The following CKS2 variants were observed in gnomAD, a reference collection of about 807,000 sequenced individuals.
CKS2 encodes CDC28 protein kinase regulatory subunit 2.
A neutral mutation model predicts 14.3 loss-of-function variants in CKS2; 4 were observed. That is an observed-to-expected ratio of 0.28 (90% CI 0.14 to 0.64). The LOEUF (loss-of-function observed/expected upper bound fraction) is 0.64. Ranked by LOEUF, CKS2 falls within the 30% of genes least tolerant of loss-of-function variation. The pLI, the probability that CKS2 is intolerant of heterozygous loss-of-function variation, is 0.83. For missense variants in CKS2, 71 were observed against 94.3 expected (o/e 0.75, Z 1.02); for synonymous variants, 33 against 28.7 (o/e 1.15, Z -0.48).
In CKS2 at chr9:89,315,155, T is replaced by C. The variant is rs1195974277; in HGVS notation, c.60-15T>C. The C allele has an allele frequency of 8.1e-6, 13 of 1,601,410 alleles. No individual in the cohort carries two copies. Among genetic ancestry groups the C allele is most frequent in the Non-Finnish European group, 1.0e-5 (12 of 1,173,976 alleles). The stretch of plus-strand genomic sequence containing the variant: ...AAAAGGCACTGGACTAACACTTGGC[T>C]GTATCTTGTAACAGGCATGTTATGT... On this transcript the variant is annotated splice_polypyrimidine_tract_variant and intron_variant, in intron 1 of 2. Transcript: ENST00000314355.
At chr9:89,315,011 C>T (rs776709963) in intron 1 of CKS2, among the ~76,000 whole-genome samples, 159 bp from the exon 2 acceptor site, 12 of 152,152 alleles carry the variant, frequency 7.9e-5, no homozygotes, top group Non-Finnish European at 1.3e-4. Context: ...GGATTGTGCA[C>T]TCTTAGCTCC....
intron 1 of CKS2, 24 bp from the exon 2 acceptor site, chr9:89,315,146 A>AC (rs1247936910): frequency 1.3e-6 from 2 of 1,596,276 alleles, no homozygotes; most frequent in African/African-American, 2.7e-5. Flanking sequence ...CACTGGACTA[A>AC]CACTTGGCTG....
Position 89,311,225 on chromosome 9 carries a change from G to A in CKS2, c.-68G>A, listed in dbSNP as rs543490628. 2.2e-5 allele frequency: 29 copies of A among 1,332,470 alleles called. No homozygotes were observed. The African/African-American group carries it at 3.5e-4, about 16-fold the overall frequency. 82.5% of individuals were successfully genotyped at this position (1,332,470 alleles called of 1,614,324 possible). On this transcript the variant is annotated 5_prime_UTR_variant, in exon 1 of 3. Transcript: ENST00000314355. The stretch of plus-strand genomic sequence containing the variant: ...TCTCCGGCGAGTTGTTGCCTGGGCT[G>A]GACGTGGTTTTGTCTGCTGCGCCCG...
chr9:89,311,802 A>C lies in CKS2; in HGVS notation c.59+451A>C, dbSNP rs549987130. 2.0e-3 allele frequency among the ~76,000 whole-genome samples: 298 copies of C among 152,294 alleles called. 4 individuals are homozygous for C. Among genetic ancestry groups the C allele is most frequent in the Non-Finnish European group, 2.9e-4 (20 of 68,026 alleles). Reference sequence around the variant, plus strand: ...CTGGTGCCGTCCTTTTTCCTTTAGCAACCGTGACACACTTTCCCTGTCGCT... The same window carrying C: ...CTGGTGCCGTCCTTTTTCCTTTAGCCACCGTGACACACTTTCCCTGTCGCT... On this transcript the variant is annotated intron_variant, in intron 1 of 2. Transcript: ENST00000314355.
intron 1 of CKS2, among the ~76,000 whole-genome samples, chr9:89,312,542 T>C (rs1336207094): frequency 6.6e-6 from 1 of 152,160 alleles, no homozygotes; most frequent in Non-Finnish European, 1.5e-5. Flanking sequence ...CAGTGGGTGG[T>C]TTCTCTTTTT....
intron 1 of CKS2, among the ~76,000 whole-genome samples, chr9:89,313,523 G>T (rs554496043): frequency 6.6e-6 from 1 of 152,330 alleles, no homozygotes; most frequent in South Asian, 2.1e-4. Flanking sequence ...TGAAATCTCT[G>T]TGTGGCAAAA....
chr9:89,315,230 A>G lies in CKS2; in HGVS notation c.120A>G (p.Glu40=). 1.2e-6 allele frequency: 2 copies of G among 1,612,186 alleles called. No individual in the cohort carries two copies. The highest frequency in any genetic ancestry group is 1.7e-6 in the Non-Finnish European group (2 of 1,178,944). ...TACCTAAAACTCATCTGATGTCTGA[A>G]GAGGAGTGGAGGAGACTTGGTGTCC... ...KQVPKTHLMS[E]EEWRRLGVQQ... is the part of the protein sequence containing the mutation. Residue 40 remains glutamate (E), a synonymous_variant, in exon 2 of 3, where the codon GAA becomes GAG. Coordinates refer to ENST00000314355, the MANE Select transcript of CKS2 (RefSeq NM_001827.3).
chr9:89,311,592 G>A (rs1343314455), intron 1 of CKS2, among the ~76,000 whole-genome samples: 3 of 152,240 alleles, frequency 2.0e-5, no homozygotes, highest in Admixed American at 1.3e-4. Context: ...GGAGGGTGAG[G>A]GAAGAGTGCC....
At chr9:89,311,382 T>A in intron 1 of CKS2, 31 bp downstream of exon 1, 1 of 1,417,036 alleles carries the variant, frequency 7.1e-7, no homozygotes, top group Non-Finnish European at 9.4e-7. Flanking sequence ...CCGAGCCGGC[T>A]CCCTCAGCCG....
intron 1 of CKS2, 80 bp downstream of exon 1, chr9:89,311,431 C>T (rs1564272669): frequency 4.5e-6 from 3 of 660,854 alleles, no homozygotes; most frequent in Non-Finnish European, 6.9e-6. Flanking sequence ...ATAGTAGGGT[C>T]GGGGGTGGGG....
chr9:89,313,630 G>C (rs1824657910), intron 1 of CKS2, among the ~76,000 whole-genome samples: 1 of 152,246 alleles, frequency 6.6e-6, no homozygotes, highest in Non-Finnish European at 1.5e-5. Context: ...TGTTTATGGA[G>C]AAGGGTGGTA....
intron 2 of CKS2, among the ~76,000 whole-genome samples, chr9:89,315,519 A>G (rs1216651115): frequency 1.5e-5 from 2 of 135,364 alleles, no homozygotes; most frequent in African/African-American, 5.7e-5. Context: ...CTACTTGGAA[A>G]ATAATGTAAG....
At chr9:89,313,102 T>C (rs2131462820) in intron 1 of CKS2, among the ~76,000 whole-genome samples, 1 of 152,372 alleles carries the variant, frequency 6.6e-6, no homozygotes, top group East Asian at 1.9e-4. Flanking sequence ...CAGTAACCTT[T>C]ATGAAACAGG....
chr9:89,311,489 G>A (rs1266980184), intron 1 of CKS2, 138 bp downstream of exon 1: 4 of 574,524 alleles, frequency 7.0e-6, no homozygotes, highest in Middle Eastern at 4.8e-4. Flanking sequence ...GAGGGCCGGG[G>A]TTTGGGGTCG....
chr9:89,313,781 T>A (rs1374472034), intron 1 of CKS2, among the ~76,000 whole-genome samples: 1 of 152,250 alleles, frequency 6.6e-6, no homozygotes, highest in Non-Finnish European at 1.5e-5. Context: ...TGAAGTTAGA[T>A]GTTAAAGCAG....
chr9:89,313,406 T>TA (rs1824654693), intron 1 of CKS2, among the ~76,000 whole-genome samples: 2 of 152,194 alleles, frequency 1.3e-5, no homozygotes, highest in South Asian at 2.1e-4. Context: ...GAAAAACTGT[T>TA]AATTTTTCTG....
Position 89,315,124 on chromosome 9 carries a change from T to C in CKS2, c.60-46T>C, listed in dbSNP as rs199578196. On this transcript the variant is annotated intron_variant, in intron 1 of 2. Transcript: ENST00000314355. Reference sequence around the variant, plus strand: ...TTAAGGTACATGTATAAAGCGACAGTTGTAGAAAAGGCACTGGACTAACAC... The same window carrying C: ...TTAAGGTACATGTATAAAGCGACAGCTGTAGAAAAGGCACTGGACTAACAC... The C allele has an allele frequency of 1.5e-5, 24 of 1,551,342 alleles. No individual in the cohort carries two copies. In the East Asian group the frequency reaches 5.3e-4, roughly 35 times the overall value.
intron 1 of CKS2, among the ~76,000 whole-genome samples, chr9:89,313,460 A>C (rs1434276927): frequency 6.6e-6 from 1 of 152,224 alleles, no homozygotes; most frequent in African/African-American, 2.4e-5. Flanking sequence ...TTTGCATTTC[A>C]ACTGAAATAA....
chr9:89,311,906 ACTTTT>A (rs1245870169), intron 1 of CKS2, among the ~76,000 whole-genome samples: 3 of 152,106 alleles, frequency 2.0e-5, no homozygotes, highest in African/African-American at 7.2e-5. Context: ...ACAGAGGAAC[ACTTTT>A]CTTTTTCTTG....
Sources: allele counts gnomAD v4.1 joint callset (sites outside exome capture counted in the v4.1 genomes callset), GRCh38; gene constraint gnomAD v4.1.1; transcripts MANE v1.5; gene names NCBI Gene and HGNC (gene_info 2026-07-23, HGNC 2026-07-21).